CSMD1: variants seen among roughly 807,000 people sequenced by gnomAD.
CSMD1 encodes CUB and Sushi multiple domains 1, also known as CUB and sushi domain-containing protein 1.
CSMD1 carries 213 observed loss-of-function variants against 417.5 expected under a neutral mutation model. The ratio of observed to expected loss-of-function variants is 0.51; its 90% CI spans 0.46 to 0.57. The LOEUF (loss-of-function observed/expected upper bound fraction) is 0.57, where lower values mean the gene tolerates loss of function less well. Ranked by LOEUF, CSMD1 falls within the 20% of genes least tolerant of loss-of-function variation. CSMD1 has a pLI of 0.00. For missense variants in CSMD1, 6,923 were observed against 4,529.7 expected (o/e 1.53, Z -15.17); for synonymous variants, 2,862 against 1,736.8 (o/e 1.65, Z -16.11).
At chr8:3,599,064 G>C (rs1415199808) in intron 8 of CSMD1, among the ~76,000 whole-genome samples, 8 of 152,020 alleles carry the variant, frequency 5.3e-5, no homozygotes, top group African/African-American at 1.7e-4. Flanking sequence ...CTGGGTGTCA[G>C]AGCAAGACTC....
intron 57 of CSMD1, among the ~76,000 whole-genome samples, chr8:2,968,887 T>A (rs764554678): frequency 2.0e-4 from 30 of 152,166 alleles, no homozygotes; most frequent in South Asian, 8.3e-4. Flanking sequence ...TACATTTTGT[T>A]AACGTGACTT....
intron 2 of CSMD1, among the ~76,000 whole-genome samples, chr8:4,448,745 A>T (rs953012154): frequency 1.3e-5 from 2 of 152,144 alleles, no homozygotes; most frequent in Non-Finnish European, 1.5e-5. Context: ...AATTTTTCTG[A>T]ATGACATAAT....
At chr8:3,712,112 T>C (rs1029360966) in intron 6 of CSMD1, among the ~76,000 whole-genome samples, 4 of 152,174 alleles carry the variant, frequency 2.6e-5, no homozygotes, top group African/African-American at 4.8e-5. Context: ...GACAGTGTTA[T>C]ACTGATGTAG....
At chr8:4,455,789 G>C (rs189441980) in intron 2 of CSMD1, among the ~76,000 whole-genome samples, 1,522 of 151,350 alleles carry the variant, frequency 0.01, 16 homozygotes, top group Non-Finnish European at 0.017. Flanking sequence ...AAATTCGCTG[G>C]ATGTGGTGGC....
intron 3 of CSMD1, among the ~76,000 whole-genome samples, chr8:4,095,485 A>G (rs953820624): frequency 9.9e-5 from 15 of 152,112 alleles, no homozygotes; most frequent in Non-Finnish European, 1.5e-5. Context: ...TGTTTTTCCT[A>G]TTTTCCGAAA....
intron 3 of CSMD1, among the ~76,000 whole-genome samples, chr8:4,065,519 A>T (rs1802613246): frequency 6.6e-6 from 1 of 151,940 alleles, no homozygotes; most frequent in Non-Finnish European, 1.5e-5. Context: ...AAGTGAAGTT[A>T]CGGTATCAAG....
intron 1 of CSMD1, among the ~76,000 whole-genome samples, chr8:4,676,665 C>G (rs978223865): frequency 2.6e-5 from 4 of 152,050 alleles, no homozygotes; most frequent in African/African-American, 9.7e-5. Context: ...GAAAAAAGAA[C>G]AATTTTATTA....
At position 2,937,454 on chromosome 8, in the gene CSMD1, A is replaced by AAAAAAAAAAAAAAAAAAAAC. The variant is rs1563163139; in HGVS notation, c.*1130_*1131insGTTTTTTTTTTTTTTTTTTT. 4.3e-5 allele frequency: 3 copies of AAAAAAAAAAAAAAAAAAAAC among 69,746 alleles called. No individual in the cohort carries two copies. Among genetic ancestry groups the AAAAAAAAAAAAAAAAAAAAC allele is most frequent in the African/African-American group, 5.6e-5 (1 of 17,880 alleles). The allele number at this position is 69,746 out of a possible 1,614,324, so 4.3% of individuals were successfully genotyped here. A position where few individuals can be genotyped will look rare whatever the true frequency, so the allele number is the denominator to read the frequency against. On this transcript the variant is annotated 3_prime_UTR_variant, in exon 70 of 70. Coordinates refer to ENST00000635120, the MANE Select transcript of CSMD1 (RefSeq NM_033225.6). ...GTAAAAGACAAAAAAAAAAAAAAAC[A>AAAAAAAAAAAAAAAAAAAAC]AAAAAAAAACACTGCAAAAGGGAAG...
intron 2 of CSMD1, among the ~76,000 whole-genome samples, chr8:4,445,793 G>C (rs961168184): frequency 6.6e-6 from 1 of 152,206 alleles, no homozygotes; most frequent in African/African-American, 2.4e-5. Flanking sequence ...AAATGTGTCA[G>C]AAATAGATGA....
chr8:3,993,118 ATGAATT>A (rs1814885940), intron 5 of CSMD1, among the ~76,000 whole-genome samples: 1 of 152,264 alleles, frequency 6.6e-6, no homozygotes, highest in Admixed American at 6.5e-5. Flanking sequence ...CTGATGCTAC[ATGAATT>A]TCTTGGTGCC....
chr8:4,131,756 C>CTTTTTTTTTTT (rs10650865), intron 3 of CSMD1, among the ~76,000 whole-genome samples: 3 of 87,426 alleles, frequency 3.4e-5, no homozygotes, highest in Non-Finnish European at 2.0e-5. Flanking sequence ...ACAAATGTGA[C>CTTTTTTTTTTT]TTTTTTTTTT....
At chr8:3,910,764 G>A (rs1448083014) in intron 5 of CSMD1, among the ~76,000 whole-genome samples, 1 of 152,118 alleles carries the variant, frequency 6.6e-6, no homozygotes, top group African/African-American at 2.4e-5. Context: ...AGAGATTGTA[G>A]TGCCTTCTCT....
At chr8:4,805,364 G>T (rs996255130) in intron 1 of CSMD1, among the ~76,000 whole-genome samples, 2 of 152,116 alleles carry the variant, frequency 1.3e-5, no homozygotes, top group African/African-American at 4.8e-5. Flanking sequence ...CCAATTCGTG[G>T]TCTTATTCTC....
chr8:4,688,928 G>C (rs553079177), intron 1 of CSMD1, among the ~76,000 whole-genome samples: 2 of 152,284 alleles, frequency 1.3e-5, no homozygotes, highest in East Asian at 3.9e-4. Flanking sequence ...GTCCATTAAA[G>C]CATTCACTTT....
At chr8:4,484,740 C>A (rs796782938) in intron 2 of CSMD1, among the ~76,000 whole-genome samples, 1 of 151,904 alleles carries the variant, frequency 6.6e-6, no homozygotes, top group Admixed American at 6.6e-5. Context: ...GAGGCAGAGA[C>A]GGGCGGATCA....
At chr8:4,444,681 A>T (rs1037289508) in intron 2 of CSMD1, among the ~76,000 whole-genome samples, 1 of 152,170 alleles carries the variant, frequency 6.6e-6, no homozygotes, top group African/African-American at 2.4e-5. Context: ...CATGTTGAAA[A>T]CATCAAAAAG....
intron 7 of CSMD1, among the ~76,000 whole-genome samples, chr8:3,629,226 G>T (rs1297780187): frequency 1.3e-5 from 2 of 152,088 alleles, no homozygotes; most frequent in African/African-American, 4.8e-5. Flanking sequence ...AGAAAATCCA[G>T]GTCAGTTACT....
At chr8:4,374,178 T>A (rs920905188) in intron 3 of CSMD1, among the ~76,000 whole-genome samples, 1 of 152,154 alleles carries the variant, frequency 6.6e-6, no homozygotes, top group Non-Finnish European at 1.5e-5. Context: ...ATCCCCCCTC[T>A]GAGTTCCAGT....
chr8:4,787,849 T>C, intron 1 of CSMD1: 12 of 1,569,472 alleles, frequency 7.6e-6, no homozygotes, highest in Non-Finnish European at 1.0e-5. Context: ...GGAGAAATCC[T>C]GGTTGCCCCA....
Sources: gnomAD v4.1 joint callset for allele counts (sites outside exome capture counted in the v4.1 genomes callset) on GRCh38, gnomAD v4.1.1 for gene constraint, MANE v1.5 for transcripts, NCBI Gene and HGNC (gene_info 2026-07-23, HGNC 2026-07-21) for gene names.